The following LIN52 variants were observed in gnomAD, a reference collection of about 807,000 sequenced individuals.
LIN52 encodes lin-52 DREAM MuvB core complex component.
LIN52 carries 4 observed loss-of-function variants against 18.5 expected under a neutral mutation model. The ratio of observed to expected loss-of-function variants is 0.22; its 90% CI spans 0.11 to 0.49. The LOEUF (loss-of-function observed/expected upper bound fraction) is 0.49. LIN52 is among the 20% of genes least tolerant of loss of function. The pLI is 0.97. For synonymous variants in LIN52, 34 were observed against 45.5 expected (o/e 0.75, Z 1.02); for missense variants, 102 against 139.5 (o/e 0.73, Z 1.35).
chr14:74,095,691 T>G (rs1007497742), intron 2 of LIN52, among the ~76,000 whole-genome samples: 1 of 152,188 alleles, frequency 6.6e-6, no homozygotes, highest in Non-Finnish European at 1.5e-5. Flanking sequence ...TCCTGGTCCT[T>G]CCAAGTTCAG....
intron 5 of LIN52, among the ~76,000 whole-genome samples, chr14:74,107,267 A>G (rs75285825): frequency 0.013 from 2,051 of 152,244 alleles, 22 homozygotes; most frequent in Non-Finnish European, 0.022. Flanking sequence ...ACCCTACTCC[A>G]TCACTATTAT....
intron 5 of LIN52, among the ~76,000 whole-genome samples, chr14:74,144,842 C>A (rs1409966125): frequency 1.3e-5 from 2 of 152,162 alleles, no homozygotes; most frequent in African/African-American, 4.8e-5. Context: ...TGTTTAATTA[C>A]AAATAGAAAT....
intron 5 of LIN52, among the ~76,000 whole-genome samples, chr14:74,101,885 A>C (rs879887769): frequency 6.6e-6 from 1 of 151,908 alleles, no homozygotes; most frequent in Non-Finnish European, 1.5e-5. Flanking sequence ...TGATCCTCCC[A>C]CCTTAGCCTC....
At chr14:74,157,459 A>ATATATAT (rs371363719) in intron 5 of LIN52, among the ~76,000 whole-genome samples, 1 of 139,932 alleles carries the variant, frequency 7.1e-6, no homozygotes, top group African/African-American at 2.6e-5. Flanking sequence ...ATATATATAT[A>ATATATAT]TTTTTTAATT....
chr14:74,146,053 G>A (rs988633377), intron 5 of LIN52, among the ~76,000 whole-genome samples: 1 of 152,138 alleles, frequency 6.6e-6, no homozygotes, highest in Non-Finnish European at 1.5e-5. Flanking sequence ...TTTCACCACT[G>A]AATTCCCAAC....
chr14:74,148,376 C>G lies in LIN52; in HGVS notation c.283+47138C>G, dbSNP rs146748681. On this transcript the variant is annotated intron_variant, in intron 5 of 5. Transcript: ENST00000555028. ...TGCTAGACCCTGGGTGTCAAAAATA[C>G]ATAAGCTCCTCTCATGGCACTTACA... is the stretch of plus-strand genomic sequence containing the variant. Among the ~76,000 whole-genome samples, 5 of 152,090 alleles carry G rather than the reference C, an allele frequency of 3.3e-5. No individual in the cohort carries two copies. In the South Asian group the frequency reaches 1.0e-3, roughly 32 times the overall value.
chr14:74,098,195 T>A (rs1442498027), intron 4 of LIN52, among the ~76,000 whole-genome samples: 3 of 152,178 alleles, frequency 2.0e-5, no homozygotes, highest in Non-Finnish European at 4.4e-5. Context: ...GGTATGATGA[T>A]ATTCAAAGTT....
At chr14:74,182,852 T>A (rs2061324237) in intron 5 of LIN52, among the ~76,000 whole-genome samples, 1 of 152,114 alleles carries the variant, frequency 6.6e-6, no homozygotes, top group South Asian at 2.1e-4. Flanking sequence ...CATAGTTGTT[T>A]TATGGGCAAA....
intron 5 of LIN52, among the ~76,000 whole-genome samples, chr14:74,182,593 A>G (rs543833829): frequency 1.3e-5 from 2 of 151,926 alleles, no homozygotes; most frequent in South Asian, 2.1e-4. Flanking sequence ...CATCATTTAC[A>G]TATACAGTTG....
intron 5 of LIN52, among the ~76,000 whole-genome samples, chr14:74,101,904 C>T (rs1056225864): frequency 3.3e-5 from 5 of 152,138 alleles, no homozygotes; most frequent in African/African-American, 1.2e-4. Flanking sequence ...TCTGAAGTAG[C>T]TGGGACTACA....
rs558306860 is a variant in LIN52 at position 74,113,221 on chromosome 14, G to A, written c.283+11983G>A. 1.4e-4 allele frequency among the ~76,000 whole-genome samples: 22 copies of A among 152,172 alleles called. No homozygotes were observed. The South Asian group carries it at 3.1e-3, about 22-fold the overall frequency. On this transcript the variant is annotated intron_variant, in intron 5 of 5. Coordinates refer to ENST00000555028, the MANE Select transcript of LIN52 (RefSeq NM_001024674.3). ...AGCCTGGCCAACATGGTGAAACCCCGCCTCTACTAAAAATACACAAATTAG... is the reference window on the plus strand; with the variant it reads ...AGCCTGGCCAACATGGTGAAACCCCACCTCTACTAAAAATACACAAATTAG...
chr14:74,108,279 C>T (rs1043467656), intron 5 of LIN52, among the ~76,000 whole-genome samples: 1 of 152,114 alleles, frequency 6.6e-6, no homozygotes, highest in Non-Finnish European at 1.5e-5. Flanking sequence ...TGGTGATGGG[C>T]GTTTGAGTTG....
At chr14:74,099,096 T>C (rs2060836321) in intron 4 of LIN52, among the ~76,000 whole-genome samples, 1 of 152,220 alleles carries the variant, frequency 6.6e-6, no homozygotes, top group African/African-American at 2.4e-5. Context: ...TAATTTTCCA[T>C]GATTTTGCCC....
intron 5 of LIN52, among the ~76,000 whole-genome samples, chr14:74,155,395 A>C (rs2061195190): frequency 6.6e-6 from 1 of 152,262 alleles, no homozygotes; most frequent in South Asian, 2.1e-4. Flanking sequence ...GCAGTGAAAT[A>C]GAGAGGGGCA....
chr14:74,145,832 A>G (rs1442119534), intron 5 of LIN52, among the ~76,000 whole-genome samples: 3 of 152,246 alleles, frequency 2.0e-5, no homozygotes, highest in Non-Finnish European at 4.4e-5. Context: ...TTTTGAAACC[A>G]GTCCAAAACA....
chr14:74,102,752 C>T (rs764501751), intron 5 of LIN52, among the ~76,000 whole-genome samples: 37 of 152,280 alleles, frequency 2.4e-4, no homozygotes, highest in Non-Finnish European at 4.7e-4. Context: ...CAAGAAGATG[C>T]TATATTACCA....
chr14:74,104,718 A>G (rs2060886162), intron 5 of LIN52, among the ~76,000 whole-genome samples: 1 of 151,838 alleles, frequency 6.6e-6, no homozygotes, highest in South Asian at 2.1e-4. Context: ...ATCAGGAAAT[A>G]AAAAGGGATA....
intron 1 of LIN52, among the ~76,000 whole-genome samples, chr14:74,090,054 T>G (rs2060762995): frequency 6.6e-6 from 1 of 151,328 alleles, no homozygotes; most frequent in African/African-American, 2.4e-5. Flanking sequence ...AGTCTTGCTT[T>G]GTTGCCCAGG....
At chr14:74,190,482 C>T (rs2061359271) in intron 5 of LIN52, among the ~76,000 whole-genome samples, 1 of 150,874 alleles carries the variant, frequency 6.6e-6, no homozygotes, top group East Asian at 2.0e-4. Flanking sequence ...ACCTCCGCCT[C>T]CCAGATTCAA....
Sources: allele counts gnomAD v4.1 joint callset (sites outside exome capture counted in the v4.1 genomes callset), GRCh38; gene constraint gnomAD v4.1.1; transcripts MANE v1.5; gene names NCBI Gene and HGNC (gene_info 2026-07-23, HGNC 2026-07-21).